The following CAMK2A variants were observed in gnomAD, a reference collection of about 807,000 sequenced individuals.
The protein encoded by CAMK2A is calcium/calmodulin dependent protein kinase II alpha.
Under a neutral mutation model 79.2 loss-of-function variants are expected in CAMK2A, and 7 were observed. The observed-to-expected ratio is 0.09, with a 90% CI of 0.05 to 0.17. The LOEUF (loss-of-function observed/expected upper bound fraction) is 0.17. Among genes scored for constraint, CAMK2A ranks in the 10% least tolerant of loss-of-function variants. The probability of loss-of-function intolerance (pLI) is 1.00; values close to 1 mark genes in which losing one functional copy is unlikely to be tolerated. For synonymous variants in CAMK2A, 242 were observed against 251.7 expected (o/e 0.96, Z 0.36); for missense variants, 214 against 646.4 (o/e 0.33, Z 7.25).
chr5:150,241,616 G>A lies in CAMK2A; in HGVS notation c.985-1880C>T, dbSNP rs1755344744. 3.2e-5 allele frequency among the ~76,000 whole-genome samples: 3 copies of A among 93,898 alleles called. No individual in the cohort carries two copies. The South Asian group carries it at 1.0e-3, about 33-fold the overall frequency. 61.6% of individuals were successfully genotyped at this position (93,898 alleles called of 152,430 possible). A position where few individuals can be genotyped will look rare whatever the true frequency, so the allele number is the denominator to read the frequency against. On this transcript the variant is annotated intron_variant, in intron 13 of 18. Coordinates refer to ENST00000671881, the MANE Select transcript of CAMK2A (RefSeq NM_015981.4). ...TCCTCTTCCTCTCCTCTCTTCTCCT[G>A]TCCTCTCCTCTCCTCCCCTCTCCTC...
chr5:150,272,946 C>T (rs1230629164), intron 2 of CAMK2A, 119 bp downstream of exon 2: 1 of 743,326 alleles, frequency 1.3e-6, no homozygotes, highest in Non-Finnish European at 2.4e-6. Context: ...GCAGCCCCCA[C>T]CCCTGCCATA....
chr5:150,264,895 C>A, intron 3 of CAMK2A, 61 bp downstream of exon 3: 1 of 1,330,882 alleles, frequency 7.5e-7, no homozygotes, highest in South Asian at 1.2e-5. Flanking sequence ...ACCCACGTGC[C>A]AGGGTGGGCA....
chr5:150,238,662 A>T (rs1285886898), intron 15 of CAMK2A, 38 bp downstream of exon 15: 1 of 1,573,222 alleles, frequency 6.4e-7, no homozygotes, highest in South Asian at 1.2e-5. Flanking sequence ...CTGGTTCCAG[A>T]AGTCTAAGGG....
intron 6 of CAMK2A, among the ~76,000 whole-genome samples, chr5:150,254,007 T>C (rs1162238469): frequency 3.3e-5 from 5 of 152,236 alleles, no homozygotes; most frequent in African/African-American, 4.8e-5. Flanking sequence ...CTATGCCCCT[T>C]GAAACAGTCC....
At chr5:150,241,354 C>G (rs1227012296) in intron 13 of CAMK2A, among the ~76,000 whole-genome samples, 1 of 139,614 alleles carries the variant, frequency 7.2e-6, no homozygotes, top group Non-Finnish European at 1.5e-5. Flanking sequence ...CTCCTCCTTC[C>G]TCTTTTCTTC....
At chr5:150,288,807 A>G (rs1757541393) in intron 1 of CAMK2A, among the ~76,000 whole-genome samples, 1 of 151,824 alleles carries the variant, frequency 6.6e-6, no homozygotes, top group Admixed American at 6.6e-5. Context: ...CTCTTTCCTC[A>G]TCCTCCCATC....
At position 150,252,049 on chromosome 5, in the gene CAMK2A, A is replaced by G. The variant is rs1437731755; in HGVS notation, c.531T>C (p.Pro177=). The G allele has an allele frequency of 1.9e-6, 3 of 1,613,610 alleles. No homozygotes were observed. Among genetic ancestry groups the G allele is most frequent in the African/African-American group, 2.7e-5 (2 of 74,894 alleles). Reference sequence around the variant, plus strand: ...GCAGCACTTCTGGGGAGAGATATCCAGGAGTCCCTGCAAACCCTGCTCCCA... The same window carrying G: ...GCAGCACTTCTGGGGAGAGATATCCGGGAGTCCCTGCAAACCCTGCTCCCA... ...QQAWFGFAGT[P]GYLSPEVLRK... Residue 177 remains proline, a synonymous_variant, in exon 8 of 19, where the codon CCT becomes CCC. Transcript: ENST00000671881.
intron 3 of CAMK2A, 111 bp downstream of exon 3, chr5:150,264,845 C>G: frequency 1.3e-6 from 1 of 790,132 alleles, no homozygotes; most frequent in Non-Finnish European, 2.3e-6. Context: ...GCCTCCATCC[C>G]CAGAGAAGAG....
chr5:150,250,250 C>T lies in CAMK2A; in HGVS notation c.876G>A (p.Lys292=). Residue 292 remains lysine (K), a synonymous_variant, in exon 11 of 19, where the codon AAG becomes AAA. Coordinates refer to ENST00000671881, the MANE Select transcript of CAMK2A (RefSeq NM_015981.4). ...HRQETVDCLK[K]FNARRKLKGA... ...CCTTCAGTTTCCTCCTGGCATTGAA[C>T]TTCTTCAGGCAGTCCACGGTCTCCT... 1 of 1,614,078 alleles carries T rather than the reference C, an allele frequency of 6.2e-7. No homozygotes were observed. The highest frequency in any genetic ancestry group is 1.1e-5 in the South Asian group (1 of 91,080).
rs1372333506 is a variant in CAMK2A, at chr5:150,253,466, C to G, written c.492G>C (p.Glu164Asp). 2 of 1,614,202 alleles carry G rather than the reference C, an allele frequency of 1.2e-6. No individual in the cohort carries two copies. Among genetic ancestry groups the G allele is most frequent in the Non-Finnish European group, 1.7e-6 (2 of 1,179,992 alleles). The part of the protein sequence containing the change: ...LADFGLAIEV[E>D]GEQQAWFGFA... Reference sequence around the variant, plus strand: ...TACCAAACCATGCCTGCTGCTCCCCCTCCACCTCTATGGCCAGGCCAAAGT... The same window carrying G: ...TACCAAACCATGCCTGCTGCTCCCCGTCCACCTCTATGGCCAGGCCAAAGT... Residue 164 changes from glutamate (E) to aspartate (D), a missense_variant, in exon 7 of 19, where the codon GAG becomes GAC. Glu to Asp is a conservative substitution (Grantham distance 45, BLOSUM62 2). Coordinates refer to ENST00000671881, the MANE Select transcript of CAMK2A (RefSeq NM_015981.4).
At position 150,270,806 on chromosome 5, in the gene CAMK2A, G is replaced by A. The variant is rs1001198291; in HGVS notation, c.157+2259C>T. On this transcript the variant is annotated intron_variant, in intron 2 of 18. Transcript: ENST00000671881. Reference sequence around the variant, plus strand: ...ACTCAACAAGTTGCCAAAGAGAGGCGGTTTGGACAGTGACTGTCTGGCATA... The same window carrying A: ...ACTCAACAAGTTGCCAAAGAGAGGCAGTTTGGACAGTGACTGTCTGGCATA... Among the ~76,000 whole-genome samples the A allele has an allele frequency of 2.6e-5, 4 of 152,096 alleles. No individual in the cohort carries two copies. The South Asian group carries it at 8.3e-4, about 32-fold the overall frequency.
intron 13 of CAMK2A, 73 bp from the exon 14 acceptor site, chr5:150,239,809 A>C: frequency 1.5e-6 from 2 of 1,360,174 alleles, no homozygotes; most frequent in Non-Finnish European, 2.1e-6. Flanking sequence ...GAGGAACGAC[A>C]GGGGAGGTTT....
At chr5:150,236,065 C>T (rs1207454976) in intron 15 of CAMK2A, among the ~76,000 whole-genome samples, 1 of 152,114 alleles carries the variant, frequency 6.6e-6, no homozygotes, top group Admixed American at 6.5e-5. Context: ...AAATTTCCCT[C>T]TGGAAAGGGG....
chr5:150,235,952 G>T (rs192719609), intron 15 of CAMK2A, among the ~76,000 whole-genome samples: 22 of 152,214 alleles, frequency 1.4e-4, no homozygotes, highest in African/African-American at 5.3e-4. Flanking sequence ...TCCATCAGAC[G>T]TGGCTTTTGG....
At chr5:150,231,146 C>T (rs1754820606) in intron 16 of CAMK2A, among the ~76,000 whole-genome samples, 159 bp downstream of exon 16, 1 of 152,122 alleles carries the variant, frequency 6.6e-6, no homozygotes. Flanking sequence ...ATAGAAGCAT[C>T]AAGTCCGGAT....
At chr5:150,282,121 C>G (rs763143360) in intron 1 of CAMK2A, among the ~76,000 whole-genome samples, 1 of 152,134 alleles carries the variant, frequency 6.6e-6, no homozygotes, top group Non-Finnish European at 1.5e-5. Flanking sequence ...ACACCTCTCC[C>G]GTCCTCTCGA....
At chr5:150,260,840 T>C (rs1756275958) in intron 3 of CAMK2A, among the ~76,000 whole-genome samples, 2 of 152,244 alleles carry the variant, frequency 1.3e-5, no homozygotes, top group African/African-American at 4.8e-5. Flanking sequence ...TGCAAAAGAC[T>C]CTTCCCTCTC....
At chr5:150,231,253 C>A in intron 16 of CAMK2A, 52 bp downstream of exon 16, 1 of 1,064,052 alleles carries the variant, frequency 9.4e-7, no homozygotes, top group Non-Finnish European at 1.4e-6. Context: ...CCATTGGTAC[C>A]CCCTGAACAA....
At chr5:150,243,851 G>A (rs1334588914) in intron 13 of CAMK2A, among the ~76,000 whole-genome samples, 1 of 152,154 alleles carries the variant, frequency 6.6e-6, no homozygotes, top group Non-Finnish European at 1.5e-5. Context: ...CTGCAGGCAA[G>A]CCCAAGGGCT....
Sources: gnomAD v4.1 joint callset for allele counts (sites outside exome capture counted in the v4.1 genomes callset) on GRCh38, gnomAD v4.1.1 for gene constraint, MANE v1.5 for transcripts, NCBI Gene and HGNC (gene_info 2026-07-23, HGNC 2026-07-21) for gene names.